The following POGZ variants were observed in gnomAD, a reference collection of about 807,000 sequenced individuals.
The protein encoded by POGZ is pogo transposable element with ZNF domain.
Under a neutral mutation model 134.6 loss-of-function variants are expected in POGZ, and 17 were observed. The observed-to-expected ratio is 0.13, with a 90% confidence interval of 0.09 to 0.19. POGZ has a LOEUF of 0.19. Ranked by LOEUF, POGZ falls within the 10% of genes least tolerant of loss-of-function variation. The pLI, the probability that POGZ is intolerant of heterozygous loss-of-function variation, is 1.00. For missense variants in POGZ, 1,306 were observed against 1,769.7 expected (o/e 0.74, Z 4.70); for synonymous variants, 693 against 657.1 (o/e 1.05, Z -0.84).
In POGZ at chr1:151,411,724, A is replaced by G. The variant is rs776956487; in HGVS notation, c.1827T>C (p.Phe609=). Residue 609 remains phenylalanine (F), a synonymous_variant, in exon 12 of 19, where the codon TTT becomes TTC. Transcript: ENST00000271715. ...GCCGGGTATCCTCATGGATCATCCGAAAATGGACATCTACCTCAGAGTAGA... is the reference window on the plus strand; with the variant it reads ...GCCGGGTATCCTCATGGATCATCCGGAAATGGACATCTACCTCAGAGTAGA... ...SSLYSEVDVH[F]RMIHEDTRHL... 2 of 1,613,492 alleles carry G rather than the reference A, an allele frequency of 1.2e-6. No individual in the cohort carries two copies. Among genetic ancestry groups the G allele is most frequent in the African/African-American group, 2.7e-5 (2 of 74,868 alleles).
chr1:151,453,742 G>C (rs975622178), intron 1 of POGZ, among the ~76,000 whole-genome samples: 3 of 152,138 alleles, frequency 2.0e-5, no homozygotes, highest in Non-Finnish European at 4.4e-5. Context: ...GGGAGTACCA[G>C]ATAAATACTC....
chr1:151,425,035 G>C lies in POGZ; in HGVS notation c.1105C>G (p.Leu369Val). ...CATATTTTCCGTCCACCATCCTGGA[G>C]GTCAAATACTGGGATGGAAGAGGTC... is the stretch of plus-strand genomic sequence containing the variant. ...KVTSSIPVFD[L>V]QDGGRKICPR... The change falls in exon 8 of 19, where the codon CTC becomes GTC. Residue 369 changes from leucine (L) to valine (V), a missense_variant. Transcript: ENST00000271715. The C allele has an allele frequency of 6.3e-7, 1 of 1,583,156 alleles. No individual in the cohort carries two copies. The highest frequency in any genetic ancestry group is 8.6e-7 in the Non-Finnish European group (1 of 1,156,312).
At chr1:151,410,837 GACAGAATCTTAGGCACTATTCTTAACT>G (rs1334656077) in intron 12 of POGZ, among the ~76,000 whole-genome samples, 1 of 152,102 alleles carries the variant, frequency 6.6e-6, no homozygotes, top group Non-Finnish European at 1.5e-5. Context: ...AACTGCCCAA[GACAGAATCTTAGGCACTATTCTTAACT>G]ACTGCATTGC....
intron 1 of POGZ, 95 bp from the exon 2 acceptor site, chr1:151,442,300 C>A: frequency 9.2e-7 from 1 of 1,091,336 alleles, no homozygotes; most frequent in Non-Finnish European, 1.3e-6. Context: ...CCATTGGTAA[C>A]CTACCTCCTT....
rs201624481 is a variant in POGZ at position 151,411,682 on chromosome 1, A to G, written c.1869T>C (p.Tyr623=). ...TGCCATTTTTGAAGACCTTCAGGCA[A>G]TAAGGGCAGAGCAGATGCCGGGTAT... ...HEDTRHLLCP[Y]CLKVFKNGNA... is the part of the protein sequence containing the mutation. The change falls in exon 12 of 19, where the codon TAT becomes TAC. Residue 623 remains tyrosine, a synonymous_variant. Coordinates refer to ENST00000271715, the MANE Select transcript of POGZ (RefSeq NM_015100.4). 5.0e-6 allele frequency: 8 copies of G among 1,613,848 alleles called. No homozygotes were observed. In the African/African-American group the frequency reaches 6.7e-5, roughly 13 times the overall value.
Position 151,417,517 on chromosome 1 carries a change from T to A in POGZ, c.1679-5121A>T, listed in dbSNP as rs144089259. On this transcript the variant is annotated intron_variant, in intron 10 of 18. Transcript: ENST00000271715. Reference sequence around the variant, plus strand: ...CTGGGATTACAAGTGTGCACCACCATGCCCAACTAATTTTTTGTATTTTTA... The same window carrying A: ...CTGGGATTACAAGTGTGCACCACCAAGCCCAACTAATTTTTTGTATTTTTA... Among the ~76,000 whole-genome samples the A allele has an allele frequency of 7.3e-3, 1,110 of 152,082 alleles. 13 individuals carry two copies. The highest frequency in any genetic ancestry group is 0.025 in the African/African-American group (1,039 of 41,500).
At chr1:151,414,303 T>C (rs1655241423) in intron 10 of POGZ, among the ~76,000 whole-genome samples, 1 of 152,222 alleles carries the variant, frequency 6.6e-6, no homozygotes, top group African/African-American at 2.4e-5. Context: ...CTCTCATTTT[T>C]CTCTTCTAGA....
chr1:151,440,776 C>T, intron 3 of POGZ, 152 bp downstream of exon 3: 2 of 604,448 alleles, frequency 3.3e-6, no homozygotes, highest in South Asian at 5.0e-5. Flanking sequence ...CTACAGAAAT[C>T]ACTTCCGTAT....
chr1:151,442,710 CAA>C (rs1277790279), intron 1 of POGZ, among the ~76,000 whole-genome samples: 270 of 99,160 alleles, frequency 2.7e-3, no homozygotes, highest in African/African-American at 0.01. Flanking sequence ...GACTCTGTCT[CAA>C]AAAAAAAAAA....
At chr1:151,417,729 C>CAA (rs201235565) in intron 10 of POGZ, among the ~76,000 whole-genome samples, 22 of 120,690 alleles carry the variant, frequency 1.8e-4, no homozygotes, top group African/African-American at 6.5e-4. Flanking sequence ...CACACACACA[C>CAA]AAAAGGCCTT....
At chr1:151,419,668 C>CAG (rs1656510806) in intron 10 of POGZ, among the ~76,000 whole-genome samples, 1 of 43,650 alleles carries the variant, frequency 2.3e-5, no homozygotes, top group Non-Finnish European at 3.7e-5. Flanking sequence ...GACCCTGTCT[C>CAG]AAAAAAAAAA....
In POGZ at chr1:151,408,450, G is replaced by A. The variant is rs770092722; in HGVS notation, c.2193C>T (p.Pro731=). 8 of 1,594,478 alleles carry A rather than the reference G, an allele frequency of 5.0e-6. No homozygotes were observed. The Admixed American group carries it at 7.6e-5, about 15-fold the overall frequency. Residue 731 remains proline (P), a synonymous_variant, in exon 14 of 19, where the codon CCC becomes CCT. Transcript: ENST00000271715. ...SMDPLPVFLY[P]PVQRSIQKRA... ...TCTTCTGGATGCTGCGCTGGACAGG[G>A]GGATAAAGGAAGACAGGCAGAGGGT...
In POGZ at chr1:151,404,446, CAAA is replaced by C; in HGVS notation, c.*353_*355del. On this transcript the variant is annotated 3_prime_UTR_variant, in exon 19 of 19. Transcript: ENST00000271715. ...GATACAATTGAGGTAAAAGGGGAAA[CAAA>C]AAAATTTAACATTTGCCCACAAATA... 1.0e-6 allele frequency: 1 copy of C among 1,004,596 alleles called. No homozygotes were observed. The allele number at this position is 1,004,596 out of a possible 1,614,324, so 62.2% of individuals were successfully genotyped here. A position where few individuals can be genotyped will look rare whatever the true frequency, so the allele number is the denominator to read the frequency against.
intron 10 of POGZ, among the ~76,000 whole-genome samples, chr1:151,412,840 T>C (rs1654901689): frequency 6.6e-6 from 1 of 152,162 alleles, no homozygotes; most frequent in Non-Finnish European, 1.5e-5. Flanking sequence ...AAAAACTTGG[T>C]ACTAGCCCAT....
At chr1:151,449,339 T>G (rs1437687514) in intron 1 of POGZ, among the ~76,000 whole-genome samples, 1 of 152,168 alleles carries the variant, frequency 6.6e-6, no homozygotes, top group Non-Finnish European at 1.5e-5. Flanking sequence ...CATTTGGCAA[T>G]GTCTAGAGAC....
rs1390072323 is a variant in POGZ at position 151,405,742 on chromosome 1, G to C, written c.3293C>G (p.Ala1098Gly). 6.2e-7 allele frequency: 1 copy of C among 1,614,200 alleles called. No individual in the cohort carries two copies. The highest frequency in any genetic ancestry group is 2.2e-5 in the East Asian group (1 of 44,890). Residue 1098 changes from alanine (A) to glycine (G), a missense_variant, in exon 19 of 19, where the codon GCA becomes GGA. Physicochemically the swap from Ala to Gly is moderately conservative, Grantham distance 60 (BLOSUM62 0). This residue lies in a region of POGZ where 161 missense variants were observed against 185.4 expected (regional missense o/e 0.87). Transcript: ENST00000271715. The surrounding 1 kb of genome is among the most constrained non-coding windows in gnomAD (Gnocchi z 4.9). ...ATCAATGAAGAGTCCTGCATTCTCTGCTACATCCTTAGGTAGGGTGTGGGC... is the reference window on the plus strand; with the variant it reads ...ATCAATGAAGAGTCCTGCATTCTCTCCTACATCCTTAGGTAGGGTGTGGGC... ...AVAHTLPKDV[A>G]ENAGLFIDFV...
intron 1 of POGZ, among the ~76,000 whole-genome samples, chr1:151,449,668 G>A (rs1157390087): frequency 2.0e-5 from 3 of 152,100 alleles, no homozygotes; most frequent in Non-Finnish European, 4.4e-5. Flanking sequence ...AGGCCGAGGT[G>A]GGCGGATCAC....
intron 10 of POGZ, among the ~76,000 whole-genome samples, chr1:151,415,658 G>C (rs1481664976): frequency 4.4e-5 from 6 of 135,118 alleles, no homozygotes; most frequent in Non-Finnish European, 9.2e-5. Flanking sequence ...GCAAAAGAGC[G>C]AGACTCCGTC....
chr1:151,433,923 A>G (rs943694174), intron 3 of POGZ, among the ~76,000 whole-genome samples: 1 of 152,226 alleles, frequency 6.6e-6, no homozygotes, highest in Non-Finnish European at 1.5e-5. Context: ...ATGCACCCGT[A>G]GTCCCAGCTA....
Sources: allele counts gnomAD v4.1 joint callset (sites outside exome capture counted in the v4.1 genomes callset), GRCh38; gene constraint gnomAD v4.1.1; regional missense constraint gnomAD v4.1.1; non-coding constraint Gnocchi (gnomAD v3.1); transcripts MANE v1.5; gene names NCBI Gene and HGNC (gene_info 2026-07-23, HGNC 2026-07-21).